CELA1: variants seen among roughly 807,000 people sequenced by gnomAD.
CELA1 encodes chymotrypsin-like elastase family member 1.
Under a neutral mutation model 34.8 loss-of-function variants are expected in CELA1, and 28 were observed. The observed-to-expected ratio is 0.80, with a 90% CI of 0.60 to 1.10. The LOEUF (loss-of-function observed/expected upper bound fraction) is 1.10, where lower values mean the gene tolerates loss of function less well. Ranked by LOEUF, CELA1 falls within the 50% of genes least tolerant of loss-of-function variation. The probability of loss-of-function intolerance (pLI) is 0.00; values close to 1 mark genes in which losing one functional copy is unlikely to be tolerated. For synonymous variants in CELA1, 140 were observed against 129.8 expected, an observed-to-expected ratio of 1.08 and a Z score of -0.53; for missense variants, 288 against 327.5, an observed-to-expected ratio of 0.88 and a Z score of 0.93.
At chr12:51,344,103 C>A (rs1186601522) in intron 2 of CELA1, among the ~76,000 whole-genome samples, 1 of 152,194 alleles carries the variant, frequency 6.6e-6, no homozygotes, top group African/African-American at 2.4e-5. Flanking sequence ...TCCTGCTGTC[C>A]TTCAAAACAT....
chr12:51,332,751 C>T (rs1325354696), intron 6 of CELA1, among the ~76,000 whole-genome samples: 1 of 151,884 alleles, frequency 6.6e-6, no homozygotes, highest in Non-Finnish European at 1.5e-5. Context: ...GCCTGTCATC[C>T]CAGCTACTGA....
At chr12:51,345,986 TCA>T (rs1467941920) in intron 1 of CELA1, 109 bp from the exon 2 acceptor site, 3 of 719,274 alleles carry the variant, frequency 4.2e-6, no homozygotes, top group Non-Finnish European at 4.6e-6. Context: ...GTCTGCAAAT[TCA>T]CAGTTCCTCT....
intron 6 of CELA1, among the ~76,000 whole-genome samples, chr12:51,337,793 C>G (rs1555174504): frequency 6.6e-6 from 1 of 151,276 alleles, no homozygotes; most frequent in African/African-American, 2.4e-5. Flanking sequence ...GCCTGTAGTC[C>G]CAGCTACTAG....
intron 2 of CELA1, 98 bp downstream of exon 2, chr12:51,345,697 G>T (rs561005227): frequency 2.3e-6 from 2 of 887,658 alleles, no homozygotes; most frequent in Non-Finnish European, 3.7e-6. Flanking sequence ...TTGGAGAGCT[G>T]CTTGTTGATA....
chr12:51,336,435 T>C (rs952894243), intron 6 of CELA1, among the ~76,000 whole-genome samples: 7 of 152,134 alleles, frequency 4.6e-5, no homozygotes, highest in African/African-American at 1.7e-4. Context: ...AGACTTAGCC[T>C]GGCCAACATG....
At chr12:51,338,297 C>T (rs1320773129) in intron 6 of CELA1, among the ~76,000 whole-genome samples, 7 of 35,816 alleles carry the variant, frequency 2.0e-4, no homozygotes, top group Admixed American at 1.0e-3. Context: ...CATACACATA[C>T]GCATACATAT....
At chr12:51,341,924 A>AC (rs34967731) in intron 4 of CELA1, among the ~76,000 whole-genome samples, 1 of 151,810 alleles carries the variant, frequency 6.6e-6, no homozygotes, top group African/African-American at 2.4e-5. Flanking sequence ...TAATGATAAA[A>AC]CCCCCCATAG....
chr12:51,343,592 GT>G (rs1297323704), intron 3 of CELA1, among the ~76,000 whole-genome samples, 160 bp downstream of exon 3: 1 of 152,196 alleles, frequency 6.6e-6, no homozygotes, highest in African/African-American at 2.4e-5. Flanking sequence ...TCCAAAGTTT[GT>G]ACTTTCACCA....
At chr12:51,342,514 C>A in intron 4 of CELA1, 61 bp downstream of exon 4, 3 of 1,610,628 alleles carry the variant, frequency 1.9e-6, no homozygotes, top group Non-Finnish European at 2.5e-6. Flanking sequence ...GTGAAGGCAG[C>A]CAGTTGTTGG....
In CELA1 at chr12:51,329,548, A is replaced by G. The variant is rs2137473368; in HGVS notation, c.759+136T>C. ...TGAAGGAAAGTACACCGTGGAAGGA[A>G]GGGAAGGGAGTAAACACATGAATGT... On this transcript the variant is annotated intron_variant, in intron 7 of 7. Coordinates refer to ENST00000293636, the MANE Select transcript of CELA1 (RefSeq NM_001971.6). 7.7e-6 allele frequency: 7 copies of G among 903,518 alleles called. No homozygotes were observed. The Middle Eastern group carries it at 1.5e-3, about 191-fold the overall frequency. 56.0% of individuals were successfully genotyped at this position (903,518 alleles called of 1,614,324 possible).
chr12:51,342,633 C>T lies in CELA1; in HGVS notation c.268G>A (p.Val90Met), dbSNP rs368737365. The stretch of plus-strand genomic sequence containing the variant: ...TGCACCACGATCTTCTGCACACTCA[C>T]GTACTGCTCAGTGCCATCATTCTGG... ...LSQNDGTEQYVSVQKIVVHPY... is the reference protein window; with the variant it reads ...LSQNDGTEQYMSVQKIVVHPY... Residue 90 changes from valine (V) to methionine (M), a missense_variant, in exon 4 of 8, where the codon GTG (valine) becomes ATG (methionine). By Grantham distance (21) the Val-to-Met change is conservative. Transcript: ENST00000293636. 96 of 1,614,046 alleles carry T rather than the reference C, an allele frequency of 5.9e-5. No individual in the cohort carries two copies. The highest frequency in any genetic ancestry group is 6.9e-5 in the Non-Finnish European group (82 of 1,180,042).
At chr12:51,342,072 C>T (rs1228920274) in intron 4 of CELA1, among the ~76,000 whole-genome samples, 1 of 152,232 alleles carries the variant, frequency 6.6e-6, no homozygotes, top group Non-Finnish European at 1.5e-5. Flanking sequence ...CAGAGTCTCA[C>T]TCTGTCACCC....
At chr12:51,342,852 C>A in intron 3 of CELA1, 152 bp from the exon 4 acceptor site, 1 of 842,214 alleles carries the variant, frequency 1.2e-6, no homozygotes, top group East Asian at 2.9e-5. Flanking sequence ...GCTGTGTTGC[C>A]CAGGCTGGCT....
intron 6 of CELA1, among the ~76,000 whole-genome samples, chr12:51,330,766 C>G (rs1020241072): frequency 1.3e-5 from 2 of 151,418 alleles, no homozygotes; most frequent in Non-Finnish European, 2.9e-5. Context: ...GTCAGGAGAT[C>G]GAGACCATCC....
intron 6 of CELA1, among the ~76,000 whole-genome samples, chr12:51,332,371 T>C (rs1402300855): frequency 6.7e-6 from 1 of 150,356 alleles, no homozygotes; most frequent in Non-Finnish European, 1.5e-5. Flanking sequence ...TATGTATATA[T>C]AAAAAATAAA....
At chr12:51,330,895 G>C (rs1371806858) in intron 6 of CELA1, among the ~76,000 whole-genome samples, 1 of 149,478 alleles carries the variant, frequency 6.7e-6, no homozygotes, top group Non-Finnish European at 1.5e-5. Context: ...GCGTGAACCC[G>C]GGAGGCAGAG....
At chr12:51,331,130 C>T (rs1432039225) in intron 6 of CELA1, among the ~76,000 whole-genome samples, 1 of 151,888 alleles carries the variant, frequency 6.6e-6, no homozygotes, top group East Asian at 1.9e-4. Context: ...GGCTCCACAC[C>T]TGTAATCCCA....
At chr12:51,335,022 C>G (rs933355026) in intron 6 of CELA1, among the ~76,000 whole-genome samples, 1 of 152,142 alleles carries the variant, frequency 6.6e-6, no homozygotes, top group Non-Finnish European at 1.5e-5. Flanking sequence ...CCTCCTAGTT[C>G]ATGAGTAACT....
rs779216348 is a variant in CELA1, at chr12:51,342,579, C to CA, written c.321dup (p.Ala108CysfsTer4). The CA allele has an allele frequency of 6.2e-7, 1 of 1,614,156 alleles. No individual in the cohort carries two copies. Among genetic ancestry groups the CA allele is most frequent in the African/African-American group, 1.3e-5 (1 of 75,060 alleles). On this transcript the variant is annotated frameshift_variant, in exon 4 of 8. Transcript: ENST00000293636. LOFTEE classifies it high-confidence loss of function. ...CCAGCTTGGACTTGCTCCTACCCGG[C>CA]AGCCACGTTATCGCTGTTCCAGTAT... is the stretch of plus-strand genomic sequence containing the variant.
Sources: gnomAD v4.1 joint callset for allele counts (sites outside exome capture counted in the v4.1 genomes callset) on GRCh38, gnomAD v4.1.1 for gene constraint, MANE v1.5 for transcripts, NCBI Gene and HGNC (gene_info 2026-07-23, HGNC 2026-07-21) for gene names.